PRKAR2A: variants seen among roughly 807,000 people sequenced by gnomAD.
PRKAR2A encodes the protein cAMP-dependent protein kinase type II-alpha regulatory subunit.
Under a neutral mutation model 51.9 loss-of-function variants are expected in PRKAR2A, and 29 were observed. The observed-to-expected ratio is 0.56, with a 90% CI of 0.42 to 0.76. The LOEUF (loss-of-function observed/expected upper bound fraction) is 0.76. Ranked by LOEUF, PRKAR2A falls within the 30% of genes least tolerant of loss-of-function variation. The pLI, the probability that PRKAR2A is intolerant of heterozygous loss-of-function variation, is 0.00. For missense variants in PRKAR2A, 445 were observed against 512.1 expected, an observed-to-expected ratio of 0.87 and a Z score of 1.26; for synonymous variants, 178 against 186.2, an observed-to-expected ratio of 0.96 and a Z score of 0.36.
intron 1 of PRKAR2A, among the ~76,000 whole-genome samples, chr3:48,830,134 C>T (rs866287298): frequency 4.0e-5 from 6 of 150,404 alleles, no homozygotes; most frequent in African/African-American, 1.2e-4. Context: ...ACCTGGGAAG[C>T]GGAGGTTGCA....
chr3:48,769,735 C>T (rs1390683016), intron 6 of PRKAR2A, among the ~76,000 whole-genome samples: 4 of 151,814 alleles, frequency 2.6e-5, no homozygotes, highest in South Asian at 4.1e-4. Context: ...CCTTGGCCTC[C>T]GAAGTGCTGG....
intron 2 of PRKAR2A, among the ~76,000 whole-genome samples, chr3:48,801,955 G>A (rs1331857751): frequency 6.6e-6 from 1 of 152,018 alleles, no homozygotes; most frequent in Non-Finnish European, 1.5e-5. Flanking sequence ...TGTCGCCCAG[G>A]CTGGAGTGCA....
intron 1 of PRKAR2A, among the ~76,000 whole-genome samples, chr3:48,837,288 A>T (rs1221636181): frequency 6.6e-6 from 1 of 152,188 alleles, no homozygotes; most frequent in Non-Finnish European, 1.5e-5. Context: ...AGGGCAACAG[A>T]GTGACACCCT....
At position 48,752,370 on chromosome 3, in the gene PRKAR2A, A is replaced by T. The variant is rs1158650527; in HGVS notation, c.940-53T>A. 5 of 1,582,046 alleles carry T rather than the reference A, an allele frequency of 3.2e-6. No homozygotes were observed. The Admixed American group carries it at 9.0e-5, about 28-fold the overall frequency. ...GCTGACTCCAGGATCACAGCTGGGCATGTCCAGTTGCACACACATACACTG... is the reference window on the plus strand; with the variant it reads ...GCTGACTCCAGGATCACAGCTGGGCTTGTCCAGTTGCACACACATACACTG... On this transcript the variant is annotated intron_variant, in intron 9 of 10. Transcript: ENST00000265563.
chr3:48,780,797 GAAT>G (rs1211093329), intron 5 of PRKAR2A, among the ~76,000 whole-genome samples: 1 of 151,644 alleles, frequency 6.6e-6, no homozygotes, highest in Non-Finnish European at 1.5e-5. Context: ...AAAATGAGGA[GAAT>G]AATTAGAAAA....
chr3:48,753,765 T>G (rs2107194239), intron 9 of PRKAR2A, among the ~76,000 whole-genome samples: 1 of 152,350 alleles, frequency 6.6e-6, no homozygotes, highest in East Asian at 1.9e-4. Context: ...CCCAGTGCCA[T>G]GCTGCTGCTG....
rs368684638 is a variant in PRKAR2A, at chr3:48,793,508, A to G, written c.351+489T>C. On this transcript the variant is annotated intron_variant, in intron 3 of 10. Transcript: ENST00000265563. ...GGCTAGTCTCAACTCCTGGGGTTCA[A>G]CTGATCTTCCCACCTCAACCTCCCA... 6.6e-5 allele frequency among the ~76,000 whole-genome samples: 10 copies of G among 152,202 alleles called. No homozygotes were observed. In the East Asian group the frequency reaches 1.4e-3, roughly 21 times the overall value.
chr3:48,765,416 T>C, intron 6 of PRKAR2A, 67 bp from the exon 7 acceptor site: 1 of 1,088,844 alleles, frequency 9.2e-7, no homozygotes, highest in South Asian at 1.5e-5. Context: ...TTTAATTAAC[T>C]GGCCAAAGCA....
rs1307130118 is a variant in PRKAR2A at position 48,751,398 on chromosome 3, T to C, written c.*187A>G. 1.3e-6 allele frequency: 1 copy of C among 797,094 alleles called. No individual in the cohort carries two copies. The highest frequency in any genetic ancestry group is 2.0e-5 in the Admixed American group (1 of 49,776). 49.4% of individuals were successfully genotyped at this position (797,094 alleles called of 1,614,324 possible). A position where few individuals can be genotyped will look rare whatever the true frequency, so the allele number is the denominator to read the frequency against. ...TGGGCCTTCAGAAGCAAAGTGGAGG[T>C]GTGGGTTGAACCTCTGCCCATCCTT... On this transcript the variant is annotated 3_prime_UTR_variant, in exon 11 of 11. Transcript: ENST00000265563.
intron 2 of PRKAR2A, among the ~76,000 whole-genome samples, chr3:48,804,975 G>C (rs1289976891): frequency 6.6e-6 from 1 of 152,048 alleles, no homozygotes; most frequent in East Asian, 1.9e-4. Context: ...ACAGTGGAAC[G>C]ATCACAGCTC....
chr3:48,751,369 T>C lies in PRKAR2A; in HGVS notation c.*216A>G, dbSNP rs1265984206. The C allele has an allele frequency of 2.8e-6, 2 of 706,106 alleles. No individual in the cohort carries two copies. The highest frequency in any genetic ancestry group is 1.7e-5 in the African/African-American group (1 of 57,152). The allele number at this position is 706,106 out of a possible 1,614,324, so 43.7% of individuals were successfully genotyped here. A position where few individuals can be genotyped will look rare whatever the true frequency, so the allele number is the denominator to read the frequency against. The stretch of plus-strand genomic sequence containing the variant: ...GGAGTAATCTTTACAAGTGGTCTAA[T>C]GAATGGGCCTTCAGAAGCAAAGTGG... On this transcript the variant is annotated 3_prime_UTR_variant, in exon 11 of 11. Transcript: ENST00000265563.
At chr3:48,800,151 T>C (rs1169627254) in intron 2 of PRKAR2A, among the ~76,000 whole-genome samples, 2 of 150,288 alleles carry the variant, frequency 1.3e-5, no homozygotes, top group African/African-American at 4.9e-5. Flanking sequence ...AGCCACCACG[T>C]CGGCCGACAA....
At chr3:48,839,381 T>C (rs1406613504) in intron 1 of PRKAR2A, among the ~76,000 whole-genome samples, 2 of 147,740 alleles carry the variant, frequency 1.4e-5, no homozygotes, top group Non-Finnish European at 3.0e-5. Flanking sequence ...GTGAAGCATA[T>C]CTCTATAAAG....
Position 48,837,572 on chromosome 3 carries a change from A to G in PRKAR2A, c.262+9763T>C, listed in dbSNP as rs565162191. Among the ~76,000 whole-genome samples, 4 of 152,296 alleles carry G rather than the reference A, an allele frequency of 2.6e-5. No homozygotes were observed. The South Asian group carries it at 8.3e-4, about 32-fold the overall frequency. ...TCAAAAGGTTAAACAGAGCTACTAT[A>G]TGGCCCAGCAATTCTACTCCTATGA... On this transcript the variant is annotated intron_variant, in intron 1 of 10. Transcript: ENST00000265563.
rs1242667036 is a variant in PRKAR2A at position 48,747,021 on chromosome 3, G to A, written c.*4564C>T. ...TGGTTTTACGCAAACCCCTCCATGAGGTTAGTGACAGTTCTTGTCCTTTTT... is the reference window on the plus strand; with the variant it reads ...TGGTTTTACGCAAACCCCTCCATGAAGTTAGTGACAGTTCTTGTCCTTTTT... On this transcript the variant is annotated 3_prime_UTR_variant, in exon 11 of 11. Transcript: ENST00000265563. The A allele has an allele frequency of 2.0e-5, 3 of 147,780 alleles. No homozygotes were observed. The highest frequency in any genetic ancestry group is 5.0e-5 in the African/African-American group (2 of 40,260). The allele number at this position is 147,780 out of a possible 1,614,324, so 9.2% of individuals were successfully genotyped here. A position where few individuals can be genotyped will look rare whatever the true frequency, so the allele number is the denominator to read the frequency against.
At chr3:48,836,333 C>T (rs1361890994) in intron 1 of PRKAR2A, among the ~76,000 whole-genome samples, 1 of 146,734 alleles carries the variant, frequency 6.8e-6, no homozygotes, top group Non-Finnish European at 1.5e-5. Context: ...GCAGGAGAAT[C>T]GCCTGAACCC....
At chr3:48,789,007 T>C (rs1320400159) in intron 4 of PRKAR2A, among the ~76,000 whole-genome samples, 2 of 151,960 alleles carry the variant, frequency 1.3e-5, no homozygotes, top group African/African-American at 2.4e-5. Flanking sequence ...AAGCACTTAC[T>C]ACACACTGTG....
At chr3:48,835,111 A>G (rs977351457) in intron 1 of PRKAR2A, among the ~76,000 whole-genome samples, 89 of 151,986 alleles carry the variant, frequency 5.9e-4, no homozygotes, top group African/African-American at 2.1e-3. Context: ...TGCTGGGACT[A>G]CAGATGTACA....
chr3:48,787,240 C>T (rs1158129170), intron 4 of PRKAR2A, among the ~76,000 whole-genome samples: 1 of 151,992 alleles, frequency 6.6e-6, no homozygotes, highest in African/African-American at 2.4e-5. Context: ...GGCTGTAGTG[C>T]AATGGTGTGG....
Sources: allele counts gnomAD v4.1 joint callset (sites outside exome capture counted in the v4.1 genomes callset), GRCh38; gene constraint gnomAD v4.1.1; transcripts MANE v1.5; gene names NCBI Gene and HGNC (gene_info 2026-07-23, HGNC 2026-07-21).